CCR3: variants seen among roughly 807,000 people sequenced by gnomAD.
CCR3 encodes the protein C-C motif chemokine receptor 3.
For synonymous variants in CCR3, 203 were observed against 179.2 expected (o/e 1.13, Z -1.06); for missense variants, 419 against 437.5 (o/e 0.96, Z 0.38).
At chr3:46,222,679 T>A (rs1189617777) in intron 2 of CCR3, among the ~76,000 whole-genome samples, 2 of 152,226 alleles carry the variant, frequency 1.3e-5, no homozygotes, top group Non-Finnish European at 2.9e-5. Context: ...ACACCAGACC[T>A]GGCACAGCCC....
chr3:46,259,885 C>T (rs1003625849), intron 1 of CCR3, among the ~76,000 whole-genome samples: 1 of 152,168 alleles, frequency 6.6e-6, no homozygotes, highest in Admixed American at 6.5e-5. Context: ...CAGAAAGTTA[C>T]ATAGTTGTAT....
chr3:46,253,947 T>G (rs1053189873), intron 1 of CCR3, among the ~76,000 whole-genome samples: 29 of 151,976 alleles, frequency 1.9e-4, no homozygotes, highest in African/African-American at 6.8e-4. Context: ...AACTTGATGT[T>G]TCTTACTCTG....
chr3:46,249,998 T>C (rs1419368568), intron 1 of CCR3, among the ~76,000 whole-genome samples: 2 of 152,086 alleles, frequency 1.3e-5, no homozygotes, highest in East Asian at 3.8e-4. Context: ...TAATAAAATG[T>C]ATATTGAGAA....
intron 2 of CCR3, among the ~76,000 whole-genome samples, chr3:46,216,800 G>A (rs1056439052): frequency 2.6e-5 from 4 of 152,130 alleles, no homozygotes; most frequent in African/African-American, 9.7e-5. Flanking sequence ...GTAAACAAAT[G>A]CTGAGAGAAT....
rs575612719 is a variant in CCR3 at position 46,265,112 on chromosome 3, T to G, written c.-11-36T>G. On this transcript the variant is annotated intron_variant, in intron 1 of 1. Coordinates refer to ENST00000395940, the MANE Select transcript of CCR3 (RefSeq NM_178329.3). ...GTGTTTTACGAAGGATGATTATGCT[T>G]CATTGTGGGATTGTATTTTTCTTCT... The G allele has an allele frequency of 1.6e-5, 22 of 1,357,264 alleles. No homozygotes were observed. The African/African-American group carries it at 2.7e-4, about 17-fold the overall frequency. The allele number at this position is 1,357,264 out of a possible 1,614,324, so 84.1% of individuals were successfully genotyped here.
At chr3:46,232,871 T>A (rs1445460776) in intron 2 of CCR3, among the ~76,000 whole-genome samples, 2 of 152,212 alleles carry the variant, frequency 1.3e-5, no homozygotes, top group Non-Finnish European at 2.9e-5. Context: ...CTTGCTCTGT[T>A]GCCCAGGCTG....
At chr3:46,254,661 C>T (rs1700382282) in intron 1 of CCR3, among the ~76,000 whole-genome samples, 1 of 152,128 alleles carries the variant, frequency 6.6e-6, no homozygotes, top group Non-Finnish European at 1.5e-5. Context: ...CCTGAGTCCC[C>T]AAAGTCCATT....
intron 1 of CCR3, among the ~76,000 whole-genome samples, chr3:46,259,752 A>C (rs1700488741): frequency 6.6e-6 from 1 of 152,216 alleles, no homozygotes; most frequent in South Asian, 2.1e-4. Flanking sequence ...TTGATTTAGG[A>C]AGGTTGTCAA....
chr3:46,220,222 C>T (rs1468209031), intron 2 of CCR3, among the ~76,000 whole-genome samples: 1 of 151,996 alleles, frequency 6.6e-6, no homozygotes, highest in African/African-American at 2.4e-5. Context: ...AAGTGGACAA[C>T]AAACATATGA....
upstream of CCR3, among the ~76,000 whole-genome samples, chr3:46,238,051 C>T (rs1350947511): frequency 2.0e-5 from 3 of 152,328 alleles, no homozygotes; most frequent in East Asian, 5.8e-4. Context: ...GAGAACCAAA[C>T]TGCTTTACTT....
intron 1 of CCR3, among the ~76,000 whole-genome samples, chr3:46,262,246 C>T (rs1323964093): frequency 6.6e-6 from 1 of 152,214 alleles, no homozygotes; most frequent in Admixed American, 6.5e-5. Context: ...ATGTGTGAAT[C>T]CTTTTTCCTG....
chr3:46,233,381 C>T (rs776543027), intron 2 of CCR3, among the ~76,000 whole-genome samples: 1 of 152,230 alleles, frequency 6.6e-6, no homozygotes. Flanking sequence ...CTCTGGCAAT[C>T]GTTTCCGTTC....
chr3:46,249,224 C>T (rs961932376), intron 1 of CCR3, among the ~76,000 whole-genome samples: 4 of 152,060 alleles, frequency 2.6e-5, no homozygotes, highest in South Asian at 2.1e-4. Flanking sequence ...CAATGAGATG[C>T]GGCTATAGTC....
At chr3:46,215,476 T>C (rs1699763317) in intron 2 of CCR3, among the ~76,000 whole-genome samples, 1 of 152,136 alleles carries the variant, frequency 6.6e-6, no homozygotes, top group African/African-American at 2.4e-5. Flanking sequence ...TGCTGGACCC[T>C]GCTGTTCAAA....
chr3:46,252,901 G>T (rs1216778959), intron 1 of CCR3, among the ~76,000 whole-genome samples: 1 of 151,750 alleles, frequency 6.6e-6, no homozygotes, highest in Non-Finnish European at 1.5e-5. Flanking sequence ...AGGTTGGAGG[G>T]TTACATGACT....
upstream of CCR3, among the ~76,000 whole-genome samples, chr3:46,239,127 C>T (rs36048333): frequency 2.0e-5 from 3 of 152,196 alleles, no homozygotes; most frequent in African/African-American, 4.8e-5. Context: ...TGAGGGAAAT[C>T]GTAGAGATTA....
At chr3:46,264,551 C>T (rs1365760778) in intron 1 of CCR3, 4 of 723,934 alleles carry the variant, frequency 5.5e-6, no homozygotes, top group African/African-American at 3.7e-5. Context: ...AAAGATCTAG[C>T]CCAAATTTTA....
intron 2 of CCR3, among the ~76,000 whole-genome samples, chr3:46,223,291 G>T (rs1699857636): frequency 6.6e-6 from 1 of 152,238 alleles, no homozygotes; most frequent in Non-Finnish European, 1.5e-5. Flanking sequence ...AGTGAGCCGA[G>T]ATCGTGCCAC....
chr3:46,257,134 TA>T (rs1298879200), intron 1 of CCR3, among the ~76,000 whole-genome samples: 1 of 152,170 alleles, frequency 6.6e-6, no homozygotes, highest in Non-Finnish European at 1.5e-5. Context: ...GAATTGGCAC[TA>T]GGGGTGAAGG....
Sources: gnomAD v4.1 joint callset for allele counts (sites outside exome capture counted in the v4.1 genomes callset) on GRCh38, gnomAD v4.1.1 for gene constraint, MANE v1.5 for transcripts, NCBI Gene and HGNC (gene_info 2026-07-23, HGNC 2026-07-21) for gene names.